TTC28: variants seen among roughly 807,000 people sequenced by gnomAD.
The protein encoded by TTC28 is tetratricopeptide repeat domain 28, also known as tetratricopeptide repeat protein 28.
Under a neutral mutation model 198.0 loss-of-function variants are expected in TTC28, and 61 were observed. The ratio of observed to expected loss-of-function variants is 0.31; its 90% CI spans 0.25 to 0.38. TTC28 has a LOEUF of 0.38. Ranked by LOEUF, TTC28 falls within the 10% of genes least tolerant of loss-of-function variation. The pLI, the probability that TTC28 is intolerant of heterozygous loss-of-function variation, is 1.00. For synonymous variants in TTC28, 1,171 were observed against 1,297.8 expected (o/e 0.90, Z 2.10); for missense variants, 2,678 against 3,164.0 (o/e 0.85, Z 3.69).
intron 14 of TTC28, among the ~76,000 whole-genome samples, chr22:28,012,632 C>G (rs560961563): frequency 5.7e-4 from 87 of 152,308 alleles, no homozygotes; most frequent in Admixed American, 1.0e-3. Flanking sequence ...CTACCTCAGC[C>G]TCCCGAGTAG....
intron 5 of TTC28, among the ~76,000 whole-genome samples, chr22:28,291,998 C>T (rs1156808390): frequency 1.3e-5 from 2 of 151,236 alleles, no homozygotes; most frequent in African/African-American, 2.4e-5. Context: ...AAAGAGCATA[C>T]CAAAAATATT....
intron 2 of TTC28, among the ~76,000 whole-genome samples, chr22:28,387,071 C>T (rs1486973230): frequency 2.0e-5 from 3 of 151,922 alleles, no homozygotes; most frequent in Non-Finnish European, 4.4e-5. Context: ...TCAATTCCCA[C>T]CTATGAGTGA....
chr22:28,669,369 C>A (rs2051840943), intron 1 of TTC28, among the ~76,000 whole-genome samples: 1 of 151,222 alleles, frequency 6.6e-6, no homozygotes, highest in Non-Finnish European at 1.5e-5. Flanking sequence ...GTGACTGAAT[C>A]CCAAAATTAT....
At chr22:28,068,218 A>G (rs1940835226) in intron 12 of TTC28, among the ~76,000 whole-genome samples, 1 of 152,182 alleles carries the variant, frequency 6.6e-6, no homozygotes, top group South Asian at 2.1e-4. Context: ...GGCTTGGTGG[A>G]AAAAGCGGTA....
At chr22:28,170,996 T>C (rs1922622322) in intron 5 of TTC28, among the ~76,000 whole-genome samples, 2 of 151,800 alleles carry the variant, frequency 1.3e-5, no homozygotes, top group South Asian at 4.2e-4. Context: ...TTTTTTTTTT[T>C]TCTTATTTTG....
In TTC28 at chr22:28,663,400, T is replaced by C. The variant is rs1248645650; in HGVS notation, c.102+16222A>G. On this transcript the variant is annotated intron_variant, in intron 1 of 22. Coordinates refer to ENST00000397906, the MANE Select transcript of TTC28 (RefSeq NM_001145418.2). The stretch of plus-strand genomic sequence containing the variant: ...ATCTGAGGTACCGGGTTCATCTCAC[T>C]AGGGAGTGCCAGACAGTGGGCGCAG... Among the ~76,000 whole-genome samples the C allele has an allele frequency of 3.4e-5, 5 of 149,020 alleles. No individual in the cohort carries two copies. In the South Asian group the frequency reaches 6.6e-4, roughly 20 times the overall value.
chr22:28,049,694 G>A (rs1238862168), intron 12 of TTC28, among the ~76,000 whole-genome samples: 1 of 152,134 alleles, frequency 6.6e-6, no homozygotes, highest in Non-Finnish European at 1.5e-5. Flanking sequence ...AGCATATGCA[G>A]CTGTGAAGGT....
intron 2 of TTC28, among the ~76,000 whole-genome samples, chr22:28,465,448 AC>A (rs1326243158): frequency 6.6e-6 from 1 of 151,962 alleles, no homozygotes; most frequent in Admixed American, 6.6e-5. Flanking sequence ...ACAAGGTGAA[AC>A]CCCGTTTCTA....
intron 12 of TTC28, among the ~76,000 whole-genome samples, chr22:28,078,976 G>T (rs1213881484): frequency 1.3e-5 from 2 of 152,178 alleles, no homozygotes; most frequent in East Asian, 3.8e-4. Flanking sequence ...AGGAGGCCAG[G>T]GGGCCACATG....
chr22:28,673,872 A>C (rs1049622783), intron 1 of TTC28, among the ~76,000 whole-genome samples: 3 of 152,230 alleles, frequency 2.0e-5, no homozygotes, highest in Admixed American at 6.5e-5. Context: ...TGTTCTACCA[A>C]GTTTAAGTTC....
chr22:28,102,158 T>C (rs1444027776), intron 8 of TTC28, among the ~76,000 whole-genome samples: 1 of 152,206 alleles, frequency 6.6e-6, no homozygotes, highest in Non-Finnish European at 1.5e-5. Context: ...CTTTCTCACG[T>C]GCACAGCATC....
At chr22:28,238,799 A>G (rs1929442131) in intron 5 of TTC28, among the ~76,000 whole-genome samples, 1 of 152,154 alleles carries the variant, frequency 6.6e-6, no homozygotes, top group Non-Finnish European at 1.5e-5. Context: ...ACCTCACACA[A>G]GTATAGCACA....
At chr22:28,225,368 A>AAAGAAGAAGAAGAAGAAG (rs148306183) in intron 5 of TTC28, among the ~76,000 whole-genome samples, 169 of 143,170 alleles carry the variant, frequency 1.2e-3, no homozygotes, top group Middle Eastern at 3.5e-3. Context: ...AAAAAAAAGA[A>AAAGAAGAAGAAGAAGAAG]AAGAAGAAGA....
At chr22:28,003,363 CA>C (rs1291411662) in intron 14 of TTC28, among the ~76,000 whole-genome samples, 1 of 152,160 alleles carries the variant, frequency 6.6e-6, no homozygotes, top group Non-Finnish European at 1.5e-5. Context: ...ACCTGCTGCT[CA>C]GTGGGAACTG....
At chr22:28,661,075 G>A (rs541314278) in intron 1 of TTC28, among the ~76,000 whole-genome samples, 49 of 151,428 alleles carry the variant, frequency 3.2e-4, no homozygotes, top group Non-Finnish European at 5.9e-4. Context: ...ACCTGAGGTC[G>A]GGAGTTCGAG....
At chr22:28,018,105 C>A (rs1325418522) in intron 13 of TTC28, among the ~76,000 whole-genome samples, 1 of 152,188 alleles carries the variant, frequency 6.6e-6, no homozygotes, top group Non-Finnish European at 1.5e-5. Flanking sequence ...CACAGACCAA[C>A]TATTTCTGGA....
intron 2 of TTC28, among the ~76,000 whole-genome samples, chr22:28,401,189 G>GGGGGGA (rs2046901316): frequency 6.8e-6 from 1 of 147,586 alleles, no homozygotes; most frequent in Non-Finnish European, 1.5e-5. Context: ...GGAAAAGGAG[G>GGGGGGA]GGGGGAGGAG....
At chr22:28,314,658 G>A (rs904954222) in intron 2 of TTC28, among the ~76,000 whole-genome samples, 3 of 152,046 alleles carry the variant, frequency 2.0e-5, no homozygotes, top group Non-Finnish European at 4.4e-5. Context: ...CTGCAGACTG[G>A]AGTTGCTCCT....
intron 2 of TTC28, among the ~76,000 whole-genome samples, chr22:28,460,576 A>G (rs1024385071): frequency 1.4e-4 from 22 of 151,882 alleles, no homozygotes; most frequent in African/African-American, 3.9e-4. Flanking sequence ...ATGTATGTAC[A>G]TACATATAAT....
Sources: gnomAD v4.1 joint callset for allele counts (sites outside exome capture counted in the v4.1 genomes callset) on GRCh38, gnomAD v4.1.1 for gene constraint, MANE v1.5 for transcripts, NCBI Gene and HGNC (gene_info 2026-07-23, HGNC 2026-07-21) for gene names.